The following LGALS4 variants were observed in gnomAD, a reference collection of about 807,000 sequenced individuals.
LGALS4 encodes the protein galectin-4.
In LGALS4, 37 loss-of-function variants were observed where a neutral mutation model predicts 39.6. The observed-to-expected ratio is 0.93, with a 90% CI of 0.72 to 1.23. The LOEUF (loss-of-function observed/expected upper bound fraction) is 1.23, where lower values mean the gene tolerates loss of function less well. Among genes scored for constraint, LGALS4 ranks in the 50% most tolerant of loss-of-function variants. LGALS4 has a pLI of 0.00. For missense variants in LGALS4, 397 were observed against 433.2 expected, an observed-to-expected ratio of 0.92 and a Z score of 0.74; for synonymous variants, 160 against 165.5, an observed-to-expected ratio of 0.97 and a Z score of 0.25.
At chr19:38,806,404 G>T in intron 4 of LGALS4, 57 bp downstream of exon 4, 5 of 1,521,538 alleles carry the variant, frequency 3.3e-6, no homozygotes, top group African/African-American at 1.4e-5. Context: ...GAAAAAAAAT[G>T]AATGTGGAAC....
chr19:38,803,164 G>A (rs1267862931), intron 7 of LGALS4: 9 of 253,756 alleles, frequency 3.5e-5, no homozygotes, highest in African/African-American at 8.9e-5. Flanking sequence ...ACAGGCGCGC[G>A]CCACCATGCC....
rs774760271 is a variant in LGALS4, at chr19:38,802,390, G to A, written c.585C>T (p.Phe195=). 29 of 1,614,002 alleles carry A rather than the reference G, an allele frequency of 1.8e-5. 1 individual carries two copies. The highest frequency in any genetic ancestry group is 3.3e-4 in the Middle Eastern group (2 of 6,080). Reference sequence around the variant, plus strand: ...CTGTGAGCCCTCCTTGCAGCCTCCCGAAATATGGCACAGGCTGTGGGAAGA... The same window carrying A: ...CTGTGAGCCCTCCTTGCAGCCTCCCAAAATATGGCACAGGCTGTGGGAAGA... ...PPTFNPPVPY[F]GRLQGGLTAR... Residue 195 remains phenylalanine (F), a synonymous_variant, in exon 8 of 10, where the codon TTC becomes TTT. Transcript: ENST00000307751.
At chr19:38,803,717 G>A (rs1210156349) in intron 6 of LGALS4, 25 bp downstream of exon 6, 2 of 1,611,198 alleles carry the variant, frequency 1.2e-6, no homozygotes, top group South Asian at 2.2e-5. Context: ...TCCTCACCCG[G>A]GGCCCTCCCA....
chr19:38,808,039 C>G (rs1313853634), intron 3 of LGALS4, among the ~76,000 whole-genome samples: 2 of 152,096 alleles, frequency 1.3e-5, no homozygotes, highest in Non-Finnish European at 2.9e-5. Context: ...ACGTGTTTAT[C>G]TGCTGACCTT....
chr19:38,805,169 TAA>T (rs5828018), intron 4 of LGALS4, among the ~76,000 whole-genome samples: 5,557 of 64,172 alleles, frequency 0.087, 331 homozygotes, highest in African/African-American at 0.24. Flanking sequence ...GCCTCAAAAA[TAA>T]TAATAATAAT....
chr19:38,803,982 C>T, intron 4 of LGALS4, 87 bp from the exon 5 acceptor site: 1 of 1,154,846 alleles, frequency 8.7e-7, no homozygotes, highest in Non-Finnish European at 1.2e-6. Context: ...CTGGGGTGGC[C>T]CACCACCACC....
chr19:38,803,008 C>CTTTTTCT (rs1971377399), intron 7 of LGALS4: 1 of 73,262 alleles, frequency 1.4e-5, no homozygotes, highest in African/African-American at 5.5e-5. Context: ...TTTTCTTTTT[C>CTTTTTCT]TTTTTTTTTT....
chr19:38,806,436 C>T, intron 4 of LGALS4, 25 bp downstream of exon 4: 1 of 1,604,816 alleles, frequency 6.2e-7, no homozygotes, highest in South Asian at 1.1e-5. Context: ...AGAAAGGACG[C>T]AAGAAGGGAT....
At chr19:38,805,100 A>AATAC (rs1971406495) in intron 4 of LGALS4, among the ~76,000 whole-genome samples, 1 of 150,896 alleles carries the variant, frequency 6.6e-6, no homozygotes. Flanking sequence ...GGAAGTCAAG[A>AATAC]ATACAGTAGG....
At chr19:38,808,713 G>A in intron 3 of LGALS4, 31 bp downstream of exon 3, 1 of 1,587,570 alleles carries the variant, frequency 6.3e-7, no homozygotes. Flanking sequence ...CTGCACTCCA[G>A]CTTGGGAAAC....
At chr19:38,803,434 C>T in intron 7 of LGALS4, 88 bp downstream of exon 7, 1 of 1,414,934 alleles carries the variant, frequency 7.1e-7, no homozygotes, top group Admixed American at 1.7e-5. Context: ...CCCCAAAACC[C>T]TCAGCCCACT....
chr19:38,805,577 C>A (rs1296729961), intron 4 of LGALS4, among the ~76,000 whole-genome samples: 1 of 152,136 alleles, frequency 6.6e-6, no homozygotes, highest in South Asian at 2.1e-4. Context: ...GGCCTGACCC[C>A]TCTGCCTGCC....
intron 7 of LGALS4, 28 bp downstream of exon 7, chr19:38,803,494 C>G (rs1301755622): frequency 6.2e-7 from 1 of 1,612,302 alleles, no homozygotes; most frequent in South Asian, 1.1e-5. Flanking sequence ...CCCTCCCCAC[C>G]ATCCATCTCT....
In LGALS4 at chr19:38,801,681, C is replaced by T. The variant is rs1393472413; in HGVS notation, c.*83G>A. 2.0e-6 allele frequency: 3 copies of T among 1,467,818 alleles called. No individual in the cohort carries two copies. The highest frequency in any genetic ancestry group is 2.8e-6 in the Non-Finnish European group (3 of 1,065,834). The allele number at this position is 1,467,818 out of a possible 1,614,324, so 90.9% of individuals were successfully genotyped here. ...GATGGAGACACACACTCATGAGACA[C>T]CCTCAGACATTTTATTAGGGGCTTA... On this transcript the variant is annotated 3_prime_UTR_variant, in exon 10 of 10. Transcript: ENST00000307751.
rs746477563 is a variant in LGALS4, at chr19:38,808,941, C to G, written c.142G>C (p.Val48Leu). 6 of 1,609,098 alleles carry G rather than the reference C, an allele frequency of 3.7e-6. No individual in the cohort carries two copies. The East Asian group carries it at 1.3e-4, about 36-fold the overall frequency. Reference sequence around the variant, plus strand: ...GGATCCTGCCCAACCACAAAGTTCACGAAGAACCTGGCGGGACACAAAGGG... The same window carrying G: ...GGATCCTGCCCAACCACAAAGTTCAGGAAGAACCTGGCGGGACACAAAGGG... ...VASEHMKRFF[V>L]NFVVGQDPGS... is the part of the protein sequence containing the mutation. The change falls in exon 3 of 10, where the codon GTG (valine) becomes CTG (leucine). Residue 48 changes from valine to leucine, a missense_variant. Coordinates refer to ENST00000307751, the MANE Select transcript of LGALS4 (RefSeq NM_006149.4).
chr19:38,812,324 C>T (rs867139648), intron 2 of LGALS4, 107 bp downstream of exon 2: 1 of 885,746 alleles, frequency 1.1e-6, no homozygotes, highest in Non-Finnish European at 1.8e-6. Flanking sequence ...AAAAAGAGTC[C>T]CCTCTCCACC....
intron 3 of LGALS4, 117 bp downstream of exon 3, chr19:38,808,623 CAAAA>C (rs371371385): frequency 0.036 from 18,981 of 532,650 alleles, 104 homozygotes; most frequent in South Asian, 0.094. Flanking sequence ...AACTCCATCT[CAAAA>C]AAAAAAAAAA....
chr19:38,809,181 T>C (rs1375339977), intron 2 of LGALS4, among the ~76,000 whole-genome samples: 1 of 137,348 alleles, frequency 7.3e-6, no homozygotes, highest in Non-Finnish European at 1.5e-5. Flanking sequence ...TTCTTTTTTT[T>C]TTTTTTTTTT....
intron 3 of LGALS4, among the ~76,000 whole-genome samples, chr19:38,807,945 C>A (rs1473253796): frequency 2.0e-5 from 3 of 152,068 alleles, no homozygotes; most frequent in Admixed American, 6.6e-5. Flanking sequence ...GTCATCACCA[C>A]TCCCTAATCT....
Sources: allele counts gnomAD v4.1 joint callset (sites outside exome capture counted in the v4.1 genomes callset), GRCh38; gene constraint gnomAD v4.1.1; transcripts MANE v1.5; gene names NCBI Gene and HGNC (gene_info 2026-07-23, HGNC 2026-07-21).